CEP57L1: variants seen among roughly 807,000 people sequenced by gnomAD.
The protein encoded by CEP57L1 is centrosomal protein CEP57L1.
A neutral mutation model predicts 61.0 loss-of-function variants in CEP57L1; 37 were observed. The ratio of observed to expected loss-of-function variants is 0.61; its 90% CI spans 0.47 to 0.80. The LOEUF (loss-of-function observed/expected upper bound fraction) is 0.80. Ranked by LOEUF, CEP57L1 falls within the 30% of genes least tolerant of loss-of-function variation. CEP57L1 has a pLI of 0.00. For missense variants in CEP57L1, 422 were observed against 524.7 expected (o/e 0.80, Z 1.91); for synonymous variants, 137 against 162.3 (o/e 0.84, Z 1.19).
chr6:109,148,556 G>C (rs1772224724), intron 3 of CEP57L1, among the ~76,000 whole-genome samples: 2 of 152,254 alleles, frequency 1.3e-5, no homozygotes, highest in Non-Finnish European at 2.9e-5. Flanking sequence ...CTTTGCTGTT[G>C]TGAATAGTGC....
chr6:109,123,898 G>A (rs1365920412), intron 1 of CEP57L1, among the ~76,000 whole-genome samples: 1 of 151,944 alleles, frequency 6.6e-6, no homozygotes, highest in Non-Finnish European at 1.5e-5. Flanking sequence ...GCGAAACCCC[G>A]TCTTTATTAA....
At chr6:109,121,009 G>A (rs1448765124) in intron 1 of CEP57L1, among the ~76,000 whole-genome samples, 1 of 151,888 alleles carries the variant, frequency 6.6e-6, no homozygotes, top group East Asian at 1.9e-4. Context: ...TAGTTTTCCT[G>A]AGTGAAAGAG....
At chr6:109,117,852 T>C (rs981543346) in intron 1 of CEP57L1, among the ~76,000 whole-genome samples, 1 of 152,200 alleles carries the variant, frequency 6.6e-6, no homozygotes, top group Non-Finnish European at 1.5e-5. Context: ...TTCGACATCA[T>C]AGGCTGTTCT....
intron 1 of CEP57L1, among the ~76,000 whole-genome samples, chr6:109,099,950 T>G (rs920725513): frequency 3.3e-5 from 5 of 152,370 alleles, no homozygotes; most frequent in East Asian, 1.9e-4. Context: ...CTTTAACTCC[T>G]CTTCTTGCAG....
chr6:109,127,560 GT>G lies in CEP57L1; in HGVS notation c.-3-17649del, dbSNP rs966107201. Reference sequence around the variant, plus strand: ...TCCTTTTTTTTAATCTCCTTTGAGAGTTTTTTTTTTCCTTCACTTGTCTCCC... The same window carrying G: ...TCCTTTTTTTTAATCTCCTTTGAGAGTTTTTTTTTCCTTCACTTGTCTCCC... On this transcript the variant is annotated intron_variant, in intron 1 of 10. Coordinates refer to ENST00000517392, the MANE Select transcript of CEP57L1 (RefSeq NM_001271852.3). 5.6e-4 allele frequency among the ~76,000 whole-genome samples: 82 copies of G among 147,586 alleles called. 1 individual carries two copies. Among genetic ancestry groups the G allele is most frequent in the African/African-American group, 1.6e-3 (64 of 40,344 alleles).
At chr6:109,146,705 G>C in intron 2 of CEP57L1, 53 bp from the exon 3 acceptor site, 1 of 1,182,470 alleles carries the variant, frequency 8.5e-7, no homozygotes, top group South Asian at 1.6e-5. Context: ...TACTTTGATT[G>C]TAAGTGTTCA....
At position 109,162,978 on chromosome 6, in the gene CEP57L1, G is replaced by C; in HGVS notation, c.*8G>C. 1 of 1,568,426 alleles carries C rather than the reference G, an allele frequency of 6.4e-7. No homozygotes were observed. Among genetic ancestry groups the C allele is most frequent in the Non-Finnish European group, 8.8e-7 (1 of 1,141,044 alleles). On this transcript the variant is annotated 3_prime_UTR_variant, in exon 11 of 11. Coordinates refer to ENST00000517392, the MANE Select transcript of CEP57L1 (RefSeq NM_001271852.3). Reference sequence around the variant, plus strand: ...ATCATGTGGGAACAGTAACAAAACAGCAAAACTGTCACCTTAATGAACTTT... The same window carrying C: ...ATCATGTGGGAACAGTAACAAAACACCAAAACTGTCACCTTAATGAACTTT...
chr6:109,096,977 G>T (rs1326138411), intron 1 of CEP57L1, among the ~76,000 whole-genome samples: 4 of 152,054 alleles, frequency 2.6e-5, no homozygotes, highest in Non-Finnish European at 5.9e-5. Context: ...ATATCTCTTG[G>T]ATATTTCTTC....
intron 1 of CEP57L1, among the ~76,000 whole-genome samples, chr6:109,123,518 G>A (rs984013105): frequency 6.6e-6 from 1 of 152,158 alleles, no homozygotes; most frequent in Non-Finnish European, 1.5e-5. Context: ...TGCCTCACAT[G>A]TAGCAAGCTC....
chr6:109,120,998 A>G (rs1374543795), intron 1 of CEP57L1, among the ~76,000 whole-genome samples: 1 of 151,732 alleles, frequency 6.6e-6, no homozygotes, highest in East Asian at 1.9e-4. Flanking sequence ...TGGGGGTAGG[A>G]TAGTTTTCCT....
chr6:109,136,561 TAAAA>T, intron 1 of CEP57L1, among the ~76,000 whole-genome samples: 1 of 138,170 alleles, frequency 7.2e-6, no homozygotes, highest in African/African-American at 2.7e-5. Flanking sequence ...ACTATAAGTA[TAAAA>T]AAAAAAAAAA....
At chr6:109,135,436 T>G (rs1424905413) in intron 1 of CEP57L1, among the ~76,000 whole-genome samples, 1 of 152,160 alleles carries the variant, frequency 6.6e-6, no homozygotes, top group Non-Finnish European at 1.5e-5. Context: ...AAGACTTAAA[T>G]GTTAGACCTA....
Position 109,172,027 on chromosome 6 carries a change from A to G in CEP57L1, c.*9057A>G, listed in dbSNP as rs1774428672. Among the ~76,000 whole-genome samples, 1 of 152,212 alleles carries G rather than the reference A, an allele frequency of 6.6e-6. No individual in the cohort carries two copies. The highest frequency in any genetic ancestry group is 2.4e-5 in the African/African-American group (1 of 41,460). ...CTGGAGGGACTCACAGAACTCAGAA[A>G]AGCTGTTAAGTTATGGTTATGGTAT... On this transcript the variant is annotated 3_prime_UTR_variant, in exon 11 of 11. Coordinates refer to ENST00000517392, the MANE Select transcript of CEP57L1 (RefSeq NM_001271852.3).
chr6:109,151,024 A>C (rs572888369), intron 4 of CEP57L1, among the ~76,000 whole-genome samples: 1 of 152,288 alleles, frequency 6.6e-6, no homozygotes, highest in South Asian at 2.1e-4. Flanking sequence ...TATGTGGATA[A>C]ATCTAAATTA....
intron 1 of CEP57L1, among the ~76,000 whole-genome samples, chr6:109,115,660 G>A (rs1388766565): frequency 6.6e-6 from 1 of 151,954 alleles, no homozygotes; most frequent in Non-Finnish European, 1.5e-5. Context: ...ATGATTTATG[G>A]AAAGCAGTAC....
intron 4 of CEP57L1, among the ~76,000 whole-genome samples, chr6:109,151,926 C>G (rs1407719967): frequency 6.6e-6 from 1 of 151,838 alleles, no homozygotes; most frequent in Non-Finnish European, 1.5e-5. Context: ...TAAGATTTTC[C>G]CCTTTATCAC....
At chr6:109,096,063 G>T (rs189104494) in intron 1 of CEP57L1, among the ~76,000 whole-genome samples, 58 of 152,186 alleles carry the variant, frequency 3.8e-4, no homozygotes, top group African/African-American at 1.3e-3. Flanking sequence ...AGGCTTTAAG[G>T]ATACAGCAGG....
At chr6:109,151,127 G>A (rs1772569349) in intron 4 of CEP57L1, among the ~76,000 whole-genome samples, 1 of 152,186 alleles carries the variant, frequency 6.6e-6, no homozygotes, top group Non-Finnish European at 1.5e-5. Flanking sequence ...TTAGGAAGAA[G>A]TAAAGTAGTT....
chr6:109,095,622 C>G, intron 1 of CEP57L1, 47 bp downstream of exon 1: 3 of 974,738 alleles, frequency 3.1e-6, no homozygotes, highest in Non-Finnish European at 3.7e-6. Flanking sequence ...CAGGGTTTTT[C>G]CTTCCTCCAT....
Sources: gnomAD v4.1 joint callset for allele counts (sites outside exome capture counted in the v4.1 genomes callset) on GRCh38, gnomAD v4.1.1 for gene constraint, MANE v1.5 for transcripts, NCBI Gene and HGNC (gene_info 2026-07-23, HGNC 2026-07-21) for gene names.